CDH13: variants seen among roughly 807,000 people sequenced by gnomAD.
CDH13 encodes cadherin-13.
A neutral mutation model predicts 63.8 loss-of-function variants in CDH13; 24 were observed. That is an observed-to-expected ratio of 0.38 (90% CI 0.27 to 0.53). CDH13 has a LOEUF of 0.53. Among genes scored for constraint, CDH13 ranks in the 20% least tolerant of loss-of-function variants. The probability of loss-of-function intolerance (pLI) is 0.85; values close to 1 mark genes in which losing one functional copy is unlikely to be tolerated. For synonymous variants in CDH13, 503 were observed against 355.3 expected (o/e 1.42, Z -4.67); for missense variants, 1,049 against 903.1 (o/e 1.16, Z -2.07).
At chr16:82,884,290 A>G (rs1297194534) in intron 2 of CDH13, 6 of 445,284 alleles carry the variant, frequency 1.3e-5, no homozygotes, top group East Asian at 1.4e-4. Flanking sequence ...GTCAGTCAGC[A>G]GAGGCATGCT....
chr16:83,695,446 G>A (rs1239754198), intron 10 of CDH13, among the ~76,000 whole-genome samples: 4 of 152,172 alleles, frequency 2.6e-5, no homozygotes, highest in African/African-American at 7.2e-5. Flanking sequence ...TTCAACCTGC[G>A]TGGCAGATGC....
intron 6 of CDH13, among the ~76,000 whole-genome samples, chr16:83,464,252 C>G (rs900060462): frequency 3.3e-5 from 5 of 152,168 alleles, no homozygotes; most frequent in Middle Eastern, 3.4e-3. Context: ...GTGGCTCACG[C>G]CTGTAATCCC....
chr16:83,777,141 G>A (rs958401091), intron 11 of CDH13, among the ~76,000 whole-genome samples: 4 of 152,162 alleles, frequency 2.6e-5, no homozygotes, highest in East Asian at 3.9e-4. Flanking sequence ...TGGCTGGTCC[G>A]CCTGCCTGCA....
chr16:82,794,441 A>G (rs2036481403), intron 1 of CDH13, among the ~76,000 whole-genome samples: 1 of 150,460 alleles, frequency 6.6e-6, no homozygotes, highest in Non-Finnish European at 1.5e-5. Flanking sequence ...CTCCCTTGAG[A>G]GGGAAATCTA....
intron 4 of CDH13, among the ~76,000 whole-genome samples, chr16:83,198,941 T>C (rs1432453340): frequency 6.6e-6 from 1 of 152,218 alleles, no homozygotes; most frequent in Non-Finnish European, 1.5e-5. Flanking sequence ...CTCTTGGGGA[T>C]GTTGCATTTT....
intron 10 of CDH13, among the ~76,000 whole-genome samples, chr16:83,747,519 C>T (rs1360974911): frequency 6.6e-6 from 1 of 151,960 alleles, no homozygotes; most frequent in Non-Finnish European, 1.5e-5. Context: ...TTGAGTATGT[C>T]TTTATCAACA....
At chr16:83,491,705 A>C (rs369611186) in intron 7 of CDH13, among the ~76,000 whole-genome samples, 1 of 151,934 alleles carries the variant, frequency 6.6e-6, no homozygotes, top group East Asian at 1.9e-4. Flanking sequence ...TCTTTGTTTG[A>C]ATTTGCCTTT....
At chr16:83,597,629 A>C (rs1193532673) in intron 7 of CDH13, among the ~76,000 whole-genome samples, 1 of 152,212 alleles carries the variant, frequency 6.6e-6, no homozygotes, top group Admixed American at 6.5e-5. Flanking sequence ...AGTACTAAAA[A>C]TATTTTTAAG....
intron 6 of CDH13, among the ~76,000 whole-genome samples, chr16:83,385,001 A>G (rs955432234): frequency 2.6e-5 from 4 of 152,242 alleles, no homozygotes; most frequent in African/African-American, 9.6e-5. Context: ...TCTTTCAAAC[A>G]AAGATGGTTG....
intron 5 of CDH13, among the ~76,000 whole-genome samples, chr16:83,256,668 A>G (rs1273805562): frequency 7.0e-5 from 4 of 57,528 alleles, no homozygotes; most frequent in Non-Finnish European, 1.3e-4. Flanking sequence ...CGTCTCTACT[A>G]AAATACAAAA....
At chr16:83,003,497 T>C (rs1265110365) in intron 2 of CDH13, among the ~76,000 whole-genome samples, 2 of 152,160 alleles carry the variant, frequency 1.3e-5, no homozygotes, top group African/African-American at 4.8e-5. Context: ...TAGTAACATA[T>C]TATCATTGAT....
At chr16:83,123,332 T>A (rs2035669759) in intron 3 of CDH13, among the ~76,000 whole-genome samples, 2 of 152,022 alleles carry the variant, frequency 1.3e-5, no homozygotes, top group Admixed American at 1.3e-4. Context: ...CAGGCTGGAG[T>A]GCAATGGCGC....
intron 6 of CDH13, among the ~76,000 whole-genome samples, chr16:83,351,032 A>G (rs1347723363): frequency 6.6e-6 from 1 of 152,142 alleles, no homozygotes; most frequent in Non-Finnish European, 1.5e-5. Context: ...GATGGCTGGG[A>G]TAGTTGATAG....
intron 4 of CDH13, among the ~76,000 whole-genome samples, chr16:83,153,781 C>T (rs1267222590): frequency 2.0e-5 from 3 of 152,150 alleles, no homozygotes; most frequent in Non-Finnish European, 1.5e-5. Context: ...AACCATGAGA[C>T]AGGAAATGTC....
intron 1 of CDH13, among the ~76,000 whole-genome samples, chr16:82,801,598 G>T (rs957778836): frequency 6.6e-6 from 1 of 152,216 alleles, no homozygotes; most frequent in African/African-American, 2.4e-5. Context: ...AAGGCAAGAA[G>T]AGGAGTCAGG....
chr16:83,426,509 TCACACACA>T (rs10545707), intron 6 of CDH13, among the ~76,000 whole-genome samples: 2,269 of 146,596 alleles, frequency 0.015, 16 homozygotes, highest in Non-Finnish European at 0.018. Context: ...ATGGAAACAA[TCACACACA>T]CACACACACA....
chr16:82,949,532 A>C (rs1012681144), intron 2 of CDH13, among the ~76,000 whole-genome samples: 1 of 152,158 alleles, frequency 6.6e-6, no homozygotes, highest in African/African-American at 2.4e-5. Flanking sequence ...ATCTCCTGAC[A>C]GTTCTTAATA....
chr16:83,128,593 C>T lies in CDH13; in HGVS notation c.483+3092C>T, dbSNP rs114815265. 4.1e-3 allele frequency among the ~76,000 whole-genome samples: 621 copies of T among 152,346 alleles called. 4 individuals are homozygous for T. The highest frequency in any genetic ancestry group is 0.014 in the African/African-American group (582 of 41,578). On this transcript the variant is annotated intron_variant, in intron 4 of 13. Coordinates refer to ENST00000567109, the MANE Select transcript of CDH13 (RefSeq NM_001257.5). ...CCCAGTTTACACCTGTCGTCCAAAT[C>T]TGTCATGTCCAGATTTAGACAATAA...
chr16:83,486,728 C>T lies in CDH13; in HGVS notation c.960+73C>T, dbSNP rs1269069849. 2.1e-6 allele frequency: 3 copies of T among 1,410,654 alleles called. No individual in the cohort carries two copies. The Admixed American group carries it at 5.2e-5, about 25-fold the overall frequency. The allele number at this position is 1,410,654 out of a possible 1,614,324, so 87.4% of individuals were successfully genotyped here. A position where few individuals can be genotyped will look rare whatever the true frequency, so the allele number is the denominator to read the frequency against. The stretch of plus-strand genomic sequence containing the variant: ...CTTTCATGCAAGGGATGATGTGGGG[C>T]TCCAGTCAGTGGTTTTTTTTAATAC... On this transcript the variant is annotated intron_variant, in intron 7 of 13. Coordinates refer to ENST00000567109, the MANE Select transcript of CDH13 (RefSeq NM_001257.5).
Sources: allele counts gnomAD v4.1 joint callset (sites outside exome capture counted in the v4.1 genomes callset), GRCh38; gene constraint gnomAD v4.1.1; transcripts MANE v1.5; gene names NCBI Gene and HGNC (gene_info 2026-07-23, HGNC 2026-07-21).